The following MPRIP variants were observed in gnomAD, a reference collection of about 807,000 sequenced individuals.
MPRIP encodes myosin phosphatase Rho interacting protein.
In MPRIP, 59 loss-of-function variants were observed where a neutral mutation model predicts 234.9. The observed-to-expected ratio is 0.25, with a 90% CI of 0.20 to 0.31. The LOEUF (loss-of-function observed/expected upper bound fraction) is 0.31. Among genes scored for constraint, MPRIP ranks in the 10% least tolerant of loss-of-function variants. The probability of loss-of-function intolerance (pLI) is 1.00; values close to 1 mark genes in which losing one functional copy is unlikely to be tolerated. For synonymous variants in MPRIP, 1,144 were observed against 1,263.9 expected, an observed-to-expected ratio of 0.91 and a Z score of 2.01; for missense variants, 2,436 against 3,071.0, an observed-to-expected ratio of 0.79 and a Z score of 4.89.
At chr17:17,105,248 A>G (rs1027069161) in intron 3 of MPRIP, among the ~76,000 whole-genome samples, 6 of 152,184 alleles carry the variant, frequency 3.9e-5, no homozygotes, top group Non-Finnish European at 8.8e-5. Context: ...CGAGGGCCCA[A>G]CAGGGATGCT....
intron 1 of MPRIP, among the ~76,000 whole-genome samples, chr17:17,052,361 C>T (rs1044240429): frequency 5.9e-5 from 9 of 152,186 alleles, no homozygotes; most frequent in Non-Finnish European, 1.0e-4. Context: ...CAGCTGTTTC[C>T]TGGACTTCTA....
intron 6 of MPRIP, 80 bp from the exon 7 acceptor site, chr17:17,137,836 T>C (rs563896904): frequency 2.9e-6 from 4 of 1,359,124 alleles, no homozygotes; most frequent in Admixed American, 2.3e-5. Flanking sequence ...GGATCCTACA[T>C]GGGCTTTAAA....
At chr17:17,143,745 T>A in intron 9 of MPRIP, 76 bp downstream of exon 9, 1 of 965,036 alleles carries the variant, frequency 1.0e-6, no homozygotes, top group Non-Finnish European at 1.5e-6. Context: ...TCTGTTTCTG[T>A]CTATGCGTCC....
At position 17,136,408 on chromosome 17, in the gene MPRIP, G is replaced by A; in HGVS notation, c.694G>A (p.Ala232Thr). Reference sequence around the variant, plus strand: ...GAGTCCCAGCCAGAGCCAGCCTCCTGCTGCCAGCTCCCTGCGGGAACCTGG... The same window carrying A: ...GAGTCCCAGCCAGAGCCAGCCTCCTACTGCCAGCTCCCTGCGGGAACCTGG... ...AQSPSQSQPP[A>T]ASSLREPGLE... The change falls in exon 6 of 24, where the codon GCT becomes ACT. Residue 232 changes from alanine (A) to threonine (T), a missense_variant. By Grantham distance (58) the Ala-to-Thr change is moderately conservative. This residue lies in a region of MPRIP where 267 missense variants were observed against 252.7 expected (regional missense o/e 1.06). Coordinates refer to ENST00000651222, the MANE Select transcript of MPRIP (RefSeq NM_001364716.4). 6.2e-7 allele frequency: 1 copy of A among 1,610,002 alleles called. No individual in the cohort carries two copies. Among genetic ancestry groups the A allele is most frequent in the Non-Finnish European group, 8.5e-7 (1 of 1,178,078 alleles).
At chr17:17,072,396 ACAGC>A (rs1315274712) in intron 1 of MPRIP, among the ~76,000 whole-genome samples, 1 of 152,216 alleles carries the variant, frequency 6.6e-6, no homozygotes, top group African/African-American at 2.4e-5. Context: ...GATCAAGGAC[ACAGC>A]CAGGGCTAGG....
intron 7 of MPRIP, chr17:17,141,490 A>G (rs1235113458): frequency 2.6e-5 from 4 of 152,214 alleles, no homozygotes; most frequent in Admixed American, 2.6e-4. Context: ...TGAGCTGAGG[A>G]AGACACTTTG....
At chr17:17,067,021 T>C (rs532226809) in intron 1 of MPRIP, among the ~76,000 whole-genome samples, 1 of 152,122 alleles carries the variant, frequency 6.6e-6, no homozygotes, top group Admixed American at 6.6e-5. Context: ...GCCTCCCAAA[T>C]GCTGGAATTA....
intron 3 of MPRIP, among the ~76,000 whole-genome samples, chr17:17,117,667 C>T (rs1457501143): frequency 1.3e-5 from 2 of 152,154 alleles, no homozygotes; most frequent in African/African-American, 2.4e-5. Flanking sequence ...TATGCTGCTA[C>T]GATATGATTT....
intron 3 of MPRIP, among the ~76,000 whole-genome samples, chr17:17,079,503 CTTACACAGGGAGT>C (rs1255359517): frequency 1.3e-5 from 2 of 152,216 alleles, no homozygotes; most frequent in African/African-American, 4.8e-5. Flanking sequence ...TGGCTTAGCC[CTTACACAGGGAGT>C]AGCCCTGGGG....
intron 16 of MPRIP, among the ~76,000 whole-genome samples, chr17:17,169,393 C>A (rs1405302570): frequency 6.6e-6 from 1 of 152,202 alleles, no homozygotes; most frequent in Admixed American, 6.5e-5. Context: ...CCCTCCACAC[C>A]GAGGCTGCTT....
intron 3 of MPRIP, among the ~76,000 whole-genome samples, chr17:17,104,514 C>T (rs1355746991): frequency 6.6e-6 from 1 of 152,130 alleles, no homozygotes; most frequent in African/African-American, 2.4e-5. Flanking sequence ...TCCTTCCTCC[C>T]GACCAGTCCA....
chr17:17,100,691 C>G (rs528117103), intron 3 of MPRIP, among the ~76,000 whole-genome samples: 182 of 151,968 alleles, frequency 1.2e-3, no homozygotes, highest in Non-Finnish European at 1.9e-3. Flanking sequence ...GTTACTGTCT[C>G]CCATCACCCT....
chr17:17,130,469 A>G (rs1035920079), intron 4 of MPRIP, among the ~76,000 whole-genome samples: 5 of 148,280 alleles, frequency 3.4e-5, no homozygotes, highest in Admixed American at 6.8e-5. Flanking sequence ...ACCTCAAATT[A>G]AAGAAATACC....
chr17:17,131,626 G>T lies in MPRIP; in HGVS notation c.429G>T (p.Glu143Asp). 6.2e-7 allele frequency: 1 copy of T among 1,614,132 alleles called. No individual in the cohort carries two copies. Among genetic ancestry groups the T allele is most frequent in the South Asian group, 1.1e-5 (1 of 91,080 alleles). ...ETKEIVSGWL[E>D]MLMVYPRTNK... The stretch of plus-strand genomic sequence containing the variant: ...CCTTTTCTCTTCCCAGGTGGCTGGA[G>T]ATGCTCATGGTCTATCCCCGGACCA... Residue 143 changes from glutamate (E) to aspartate (D), a missense_variant, in exon 5 of 24, where the codon GAG becomes GAT. Around this residue, in one of 4 missense-constraint regions of MPRIP, gnomAD observed 140 missense variants for 207.3 expected, o/e 0.68. Coordinates refer to ENST00000651222, the MANE Select transcript of MPRIP (RefSeq NM_001364716.4).
chr17:17,119,861 C>T lies in MPRIP; in HGVS notation c.268-6841C>T, dbSNP rs2090355569. Among the ~76,000 whole-genome samples the T allele has an allele frequency of 2.0e-5, 3 of 152,200 alleles. No homozygotes were observed. In the South Asian group the frequency reaches 6.2e-4, roughly 31 times the overall value. On this transcript the variant is annotated intron_variant, in intron 3 of 23. Coordinates refer to ENST00000651222, the MANE Select transcript of MPRIP (RefSeq NM_001364716.4). Reference sequence around the variant, plus strand: ...GGTAGAAATACTGACTCACCGTTTTCCATTTCATGTGCATGTGTGCACTTG... The same window carrying T: ...GGTAGAAATACTGACTCACCGTTTTTCATTTCATGTGCATGTGTGCACTTG...
At chr17:17,101,543 C>G (rs550142172) in intron 3 of MPRIP, among the ~76,000 whole-genome samples, 3 of 152,158 alleles carry the variant, frequency 2.0e-5, no homozygotes, top group African/African-American at 7.2e-5. Context: ...GCACTCCAGC[C>G]TGGGCAACAA....
intron 6 of MPRIP, 68 bp downstream of exon 6, chr17:17,136,518 G>A: frequency 6.8e-7 from 1 of 1,471,244 alleles, no homozygotes; most frequent in South Asian, 1.3e-5. Context: ...CTGGCCCTGG[G>A]GATTCAGCCA....
At chr17:17,147,180 A>T in intron 10 of MPRIP, 139 bp from the exon 11 acceptor site, 1 of 771,916 alleles carries the variant, frequency 1.3e-6, no homozygotes, top group Admixed American at 1.9e-5. Flanking sequence ...GTATGCTGTC[A>T]AGGGAGGGGC....
At chr17:17,119,475 CAGAG>C (rs1331743138) in intron 3 of MPRIP, among the ~76,000 whole-genome samples, 3 of 152,246 alleles carry the variant, frequency 2.0e-5, no homozygotes, top group Admixed American at 1.3e-4. Context: ...GGGTGCCAGT[CAGAG>C]AGGACCACAC....
Sources: gnomAD v4.1 joint callset for allele counts (sites outside exome capture counted in the v4.1 genomes callset) on GRCh38, gnomAD v4.1.1 for gene constraint, gnomAD v4.1.1 regional missense constraint, MANE v1.5 for transcripts, NCBI Gene and HGNC (gene_info 2026-07-23, HGNC 2026-07-21) for gene names.